The following ARHGAP10 variants were observed in gnomAD, a reference collection of about 807,000 sequenced individuals.
The protein encoded by ARHGAP10 is rho GTPase-activating protein 10.
A neutral mutation model predicts 108.6 loss-of-function variants in ARHGAP10; 87 were observed. The ratio of observed to expected loss-of-function variants is 0.80; its 90% confidence interval spans 0.67 to 0.96. ARHGAP10 has a LOEUF of 0.96. ARHGAP10 is among the 40% of genes least tolerant of loss of function. The probability of loss-of-function intolerance (pLI) is 0.00; values close to 1 mark genes in which losing one functional copy is unlikely to be tolerated. For synonymous variants in ARHGAP10, 347 were observed against 341.1 expected (o/e 1.02, Z -0.19); for missense variants, 939 against 954.5 (o/e 0.98, Z 0.21).
At chr4:147,805,086 C>A (rs766019831) in intron 1 of ARHGAP10, among the ~76,000 whole-genome samples, 1 of 152,080 alleles carries the variant, frequency 6.6e-6, no homozygotes, top group African/African-American at 2.4e-5. Context: ...AGGTTTTCTT[C>A]AAGAGTTTTT....
rs774717881 is a variant in ARHGAP10 at position 148,072,102 on chromosome 4, G to A, written c.*21G>A. The A allele has an allele frequency of 6.2e-7, 1 of 1,603,152 alleles. No homozygotes were observed. The highest frequency in any genetic ancestry group is 8.5e-7 in the Non-Finnish European group (1 of 1,175,094). On this transcript the variant is annotated 3_prime_UTR_variant, in exon 23 of 23. Coordinates refer to ENST00000336498, the MANE Select transcript of ARHGAP10 (RefSeq NM_024605.4). Reference sequence around the variant, plus strand: ...TGTAGCTCCTGGCCTCAGAGCCCCTGCTGACCCTGGCACCCAGGGACCTGC... The same window carrying A: ...TGTAGCTCCTGGCCTCAGAGCCCCTACTGACCCTGGCACCCAGGGACCTGC...
At chr4:148,031,849 A>G (rs965513973) in intron 19 of ARHGAP10, among the ~76,000 whole-genome samples, 1 of 152,284 alleles carries the variant, frequency 6.6e-6, no homozygotes, top group South Asian at 2.1e-4. Flanking sequence ...CTGTTTTTTT[A>G]TGAGAGAAAG....
chr4:147,787,728 A>G (rs1359210331), intron 1 of ARHGAP10, among the ~76,000 whole-genome samples: 1 of 152,094 alleles, frequency 6.6e-6, no homozygotes, highest in African/African-American at 2.4e-5. Flanking sequence ...TCACCTGGCC[A>G]CCTGGTGCCA....
chr4:147,840,554 C>T (rs1733371993), intron 3 of ARHGAP10, among the ~76,000 whole-genome samples: 1 of 152,140 alleles, frequency 6.6e-6, no homozygotes, highest in African/African-American at 2.4e-5. Flanking sequence ...CGAGTGCTTA[C>T]CTTGTTTGGA....
chr4:147,956,161 C>G (rs569620484), intron 16 of ARHGAP10, among the ~76,000 whole-genome samples: 2 of 152,230 alleles, frequency 1.3e-5, no homozygotes, highest in Admixed American at 1.3e-4. Flanking sequence ...TAGCTAAAAC[C>G]TGCAGTATTG....
chr4:147,812,892 C>T (rs1048554937), intron 1 of ARHGAP10, among the ~76,000 whole-genome samples: 7 of 152,144 alleles, frequency 4.6e-5, no homozygotes, highest in African/African-American at 9.7e-5. Context: ...ATTAAATGCA[C>T]TAGTACATGC....
chr4:147,800,579 GT>G (rs1195059500), intron 1 of ARHGAP10, among the ~76,000 whole-genome samples: 1 of 152,158 alleles, frequency 6.6e-6, no homozygotes, highest in Non-Finnish European at 1.5e-5. Flanking sequence ...CATGTCATGG[GT>G]TGGGAAATGG....
rs147342934 is a variant in ARHGAP10 at position 147,939,445 on chromosome 4, C to T, written c.1229-380C>T. 3.8e-3 allele frequency among the ~76,000 whole-genome samples: 578 copies of T among 152,212 alleles called. 2 individuals carry two copies. Among genetic ancestry groups the T allele is most frequent in the Middle Eastern group, 0.017 (5 of 294 alleles). ...ATGATTTCTATGTACTAATCATCAC[C>T]GTATTTTTAAAAGGCTAAAACTTTT... On this transcript the variant is annotated intron_variant, in intron 13 of 22. Transcript: ENST00000336498.
At chr4:147,994,740 C>G (rs549157101) in intron 18 of ARHGAP10, among the ~76,000 whole-genome samples, 2 of 152,304 alleles carry the variant, frequency 1.3e-5, no homozygotes, top group Admixed American at 1.3e-4. Context: ...TTCTCTGCCC[C>G]AGCAATACGT....
chr4:147,964,719 A>G (rs17024212), intron 16 of ARHGAP10, among the ~76,000 whole-genome samples: 28,401 of 152,178 alleles, frequency 0.19, 4,078 homozygotes, highest in African/African-American at 0.41. Flanking sequence ...GACATGAAAC[A>G]CAGCATGTCA....
At chr4:148,030,926 G>C (rs1728121275) in intron 19 of ARHGAP10, among the ~76,000 whole-genome samples, 1 of 152,092 alleles carries the variant, frequency 6.6e-6, no homozygotes, top group East Asian at 1.9e-4. Flanking sequence ...AGGCCTAGTG[G>C]CTCACTCCTA....
At chr4:147,984,065 G>C (rs968612955) in intron 18 of ARHGAP10, among the ~76,000 whole-genome samples, 1 of 152,130 alleles carries the variant, frequency 6.6e-6, no homozygotes, top group Non-Finnish European at 1.5e-5. Flanking sequence ...GAGTTCCAAG[G>C]CTGTTTATGA....
chr4:147,771,249 A>G lies in ARHGAP10; in HGVS notation c.154+38794A>G, dbSNP rs188448968. ...TCTGGGGGGTAAGGAATTCAACATG[A>G]GTACTTGAGGGACATGTCCAGCCGC... On this transcript the variant is annotated intron_variant, in intron 1 of 22. Transcript: ENST00000336498. Among the ~76,000 whole-genome samples, 259 of 152,314 alleles carry G rather than the reference A, an allele frequency of 1.7e-3. 1 individual carries two copies. Among genetic ancestry groups the G allele is most frequent in the Middle Eastern group, 3.4e-3 (1 of 294 alleles).
intron 7 of ARHGAP10, among the ~76,000 whole-genome samples, chr4:147,872,584 C>T (rs995287167): frequency 2.6e-5 from 4 of 152,208 alleles, no homozygotes; most frequent in Non-Finnish European, 4.4e-5. Context: ...AATTTGACTA[C>T]TAATCGCCTA....
At chr4:147,790,582 C>T (rs1460315449) in intron 1 of ARHGAP10, among the ~76,000 whole-genome samples, 1 of 152,148 alleles carries the variant, frequency 6.6e-6, no homozygotes, top group Non-Finnish European at 1.5e-5. Context: ...GTTCATTAAG[C>T]AAATATTTAC....
chr4:147,757,516 G>C (rs1396441334), intron 1 of ARHGAP10, among the ~76,000 whole-genome samples: 6 of 152,190 alleles, frequency 3.9e-5, no homozygotes, highest in East Asian at 1.9e-4. Context: ...AGCTTTGAGA[G>C]AAGGCTTGGT....
chr4:147,784,515 AATAT>A (rs1375290394), intron 1 of ARHGAP10, among the ~76,000 whole-genome samples: 7 of 51,474 alleles, frequency 1.4e-4, no homozygotes, highest in East Asian at 1.4e-3. Flanking sequence ...TATACTGCAA[AATAT>A]ATATAATATA....
intron 3 of ARHGAP10, among the ~76,000 whole-genome samples, chr4:147,839,649 A>C (rs1733331947): frequency 6.6e-6 from 1 of 152,228 alleles, no homozygotes; most frequent in Non-Finnish European, 1.5e-5. Flanking sequence ...AATTTATGAC[A>C]TCAGAACTTA....
At chr4:148,003,658 A>G (rs1464476585) in intron 18 of ARHGAP10, among the ~76,000 whole-genome samples, 1 of 152,146 alleles carries the variant, frequency 6.6e-6, no homozygotes, top group Non-Finnish European at 1.5e-5. Flanking sequence ...TCCCTTTACC[A>G]TTATGTAATG....
Sources: allele counts gnomAD v4.1 joint callset (sites outside exome capture counted in the v4.1 genomes callset), GRCh38; gene constraint gnomAD v4.1.1; transcripts MANE v1.5; gene names NCBI Gene and HGNC (gene_info 2026-07-23, HGNC 2026-07-21).